Variants in TLE4 observed in about 807,000 individuals in gnomAD.
TLE4 encodes TLE family member 4, transcriptional corepressor, also known as transducin-like enhancer protein 4.
In TLE4, 8 loss-of-function variants were observed where a neutral mutation model predicts 92.8. The observed-to-expected ratio is 0.09, with a 90% CI of 0.05 to 0.16. TLE4 has a LOEUF of 0.16. Among genes scored for constraint, TLE4 ranks in the 10% least tolerant of loss-of-function variants. The pLI, the probability that TLE4 is intolerant of heterozygous loss-of-function variation, is 1.00. For synonymous variants in TLE4, 371 were observed against 374.1 expected (o/e 0.99, Z 0.10); for missense variants, 675 against 997.6 (o/e 0.68, Z 4.36).
chr9:79,589,978 G>T (rs1432890153), intron 4 of TLE4, among the ~76,000 whole-genome samples: 3 of 152,078 alleles, frequency 2.0e-5, no homozygotes, highest in Admixed American at 1.3e-4. Flanking sequence ...CCACAATATG[G>T]GTTCGTTTTT....
chr9:79,716,227 C>A (rs1466638463), intron 14 of TLE4, among the ~76,000 whole-genome samples: 1 of 152,160 alleles, frequency 6.6e-6, no homozygotes, highest in African/African-American at 2.4e-5. Flanking sequence ...TGCACTCTGG[C>A]CTCCTTGCTT....
At chr9:79,695,349 TCTCACACACACACA>T (rs1012246920) in intron 8 of TLE4, among the ~76,000 whole-genome samples, 7 of 41,080 alleles carry the variant, frequency 1.7e-4, no homozygotes, top group South Asian at 1.7e-3. Context: ...CAAATGCATA[TCTCACACACACACA>T]CACACACACA....
intron 8 of TLE4, among the ~76,000 whole-genome samples, chr9:79,696,262 TA>T (rs1245797389): frequency 2.0e-5 from 3 of 152,152 alleles, no homozygotes; most frequent in African/African-American, 7.2e-5. Context: ...GTTATACATT[TA>T]AAAAAATCTG....
chr9:79,639,692 A>G (rs1454095263), intron 6 of TLE4, among the ~76,000 whole-genome samples: 1 of 152,138 alleles, frequency 6.6e-6, no homozygotes, highest in East Asian at 1.9e-4. Context: ...TTTTGACACA[A>G]TTGCCTACAA....
chr9:79,598,761 A>C (rs1321808464), intron 4 of TLE4, among the ~76,000 whole-genome samples: 2 of 151,916 alleles, frequency 1.3e-5, no homozygotes, highest in African/African-American at 4.8e-5. Context: ...TCACTCTTAG[A>C]TTTCCAGGGC....
At chr9:79,607,644 G>A (rs942959941) in intron 4 of TLE4, among the ~76,000 whole-genome samples, 4 of 152,080 alleles carry the variant, frequency 2.6e-5, no homozygotes, top group African/African-American at 9.7e-5. Flanking sequence ...TTTCCCCATT[G>A]CTTGTTTTTG....
intron 6 of TLE4, among the ~76,000 whole-genome samples, chr9:79,651,031 A>ATCTC (rs10580766): frequency 0.033 from 4,513 of 138,732 alleles, 115 homozygotes; most frequent in Admixed American, 0.062. Context: ...GGAATGATCG[A>ATCTC]TCTCTCTCTC....
At chr9:79,663,123 A>C (rs1216093931) in intron 8 of TLE4, among the ~76,000 whole-genome samples, 1 of 152,048 alleles carries the variant, frequency 6.6e-6, no homozygotes, top group Non-Finnish European at 1.5e-5. Context: ...TTTCACAAAG[A>C]CTCTGGCTGA....
intron 8 of TLE4, among the ~76,000 whole-genome samples, chr9:79,657,839 A>G (rs1044688132): frequency 1.3e-5 from 2 of 152,178 alleles, no homozygotes; most frequent in Non-Finnish European, 2.9e-5. Flanking sequence ...CCAAATGCTC[A>G]TTAGCTCCGT....
At chr9:79,681,860 G>A (rs1052616765) in intron 8 of TLE4, among the ~76,000 whole-genome samples, 1 of 137,008 alleles carries the variant, frequency 7.3e-6, no homozygotes, top group Non-Finnish European at 1.6e-5. Context: ...GTGTGTGTGT[G>A]TGTATGTGTG....
In TLE4 at chr9:79,652,651, C is replaced by A; in HGVS notation, c.449C>A (p.Pro150Gln). The A allele has an allele frequency of 6.2e-7, 1 of 1,614,182 alleles. No individual in the cohort carries two copies. Among genetic ancestry groups the A allele is most frequent in the Non-Finnish European group, 8.5e-7 (1 of 1,180,026 alleles). Residue 150 changes from proline (P) to glutamine (Q), a missense_variant, in exon 7 of 20, where the codon CCA (proline) becomes CAA (glutamine). This residue lies in a region of TLE4 where 280 missense variants were observed against 287.3 expected (regional missense o/e 0.97). Coordinates refer to ENST00000376552, the MANE Select transcript of TLE4 (RefSeq NM_007005.6). ...CATGGTCTCCCCGTACCTCTGACTC[C>A]ACACCCTTCAGGGCTCCAGCCCCCT... is the stretch of plus-strand genomic sequence containing the variant. ...HGHGLPVPLT[P>Q]HPSGLQPPAI...
chr9:79,616,200 G>C (rs1390433341), intron 5 of TLE4, among the ~76,000 whole-genome samples: 1 of 152,148 alleles, frequency 6.6e-6, no homozygotes, highest in African/African-American at 2.4e-5. Context: ...ATGCCAGGAT[G>C]ATGACAGTTG....
At chr9:79,628,102 T>C (rs1224086459) in intron 6 of TLE4, among the ~76,000 whole-genome samples, 2 of 152,036 alleles carry the variant, frequency 1.3e-5, no homozygotes, top group Non-Finnish European at 2.9e-5. Context: ...CTCAGATTAA[T>C]GTAACAGGCA....
At chr9:79,705,026 C>T in intron 9 of TLE4, 124 bp downstream of exon 9, 3 of 1,381,922 alleles carry the variant, frequency 2.2e-6, no homozygotes, top group South Asian at 1.4e-5. Context: ...AGACAAAAAA[C>T]ATTTATTGTA....
chr9:79,642,169 G>A (rs2057286612), intron 6 of TLE4, among the ~76,000 whole-genome samples: 1 of 151,612 alleles, frequency 6.6e-6, no homozygotes, highest in Non-Finnish European at 1.5e-5. Context: ...GACGTTCTAA[G>A]ATCAAATGCA....
At chr9:79,674,905 A>T (rs1249222612) in intron 8 of TLE4, among the ~76,000 whole-genome samples, 1 of 152,202 alleles carries the variant, frequency 6.6e-6, no homozygotes, top group East Asian at 1.9e-4. Context: ...AAAATCTGAC[A>T]AAGATTTTAA....
chr9:79,683,351 A>C (rs761785723), intron 8 of TLE4, among the ~76,000 whole-genome samples: 6 of 152,186 alleles, frequency 3.9e-5, no homozygotes, highest in Non-Finnish European at 5.9e-5. Flanking sequence ...TTTGAAATGT[A>C]CACAGGAAGA....
rs2075806900 is a variant in TLE4, at chr9:79,722,507, C to T, written c.2043C>T (p.Asn681=). The change falls in exon 18 of 20, where the codon AAC becomes AAT. Residue 681 remains asparagine, a synonymous_variant. Transcript: ENST00000376552. ...AGTGGCTTGCAGTGGGGATGGAGAA[C>T]AGCAATGTGGAAGTTTTGCATGTCA... is the stretch of plus-strand genomic sequence containing the variant. ...TGEWLAVGME[N]SNVEVLHVTK... is the part of the protein sequence containing the mutation. 3 of 1,614,100 alleles carry T rather than the reference C, an allele frequency of 1.9e-6. No homozygotes were observed. The highest frequency in any genetic ancestry group is 8.5e-7 in the Non-Finnish European group (1 of 1,180,044).
intron 4 of TLE4, among the ~76,000 whole-genome samples, chr9:79,602,803 C>T (rs1331419561): frequency 6.6e-6 from 1 of 152,054 alleles, no homozygotes; most frequent in African/African-American, 2.4e-5. Flanking sequence ...GCTGTAGCTG[C>T]CATAGATAAT....
Sources: allele counts gnomAD v4.1 joint callset (sites outside exome capture counted in the v4.1 genomes callset), GRCh38; gene constraint gnomAD v4.1.1; regional missense constraint gnomAD v4.1.1; transcripts MANE v1.5; gene names NCBI Gene and HGNC (gene_info 2026-07-23, HGNC 2026-07-21).